Variants in CNTNAP5 observed in about 807,000 individuals in gnomAD.
CNTNAP5 encodes the protein contactin associated protein family member 5.
In CNTNAP5, 72 loss-of-function variants were observed where a neutral mutation model predicts 150.2. That is an observed-to-expected ratio of 0.48 (90% confidence interval 0.40 to 0.58). The LOEUF is 0.58. Among genes scored for constraint, CNTNAP5 ranks in the 20% least tolerant of loss-of-function variants. The pLI is 0.00. For missense variants in CNTNAP5, 1,636 were observed against 1,626.2 expected, an observed-to-expected ratio of 1.01 and a Z score of -0.10; for synonymous variants, 672 against 619.8, an observed-to-expected ratio of 1.08 and a Z score of -1.25.
chr2:124,057,375 C>G (rs1198586288), intron 1 of CNTNAP5, among the ~76,000 whole-genome samples: 1 of 150,246 alleles, frequency 6.7e-6, no homozygotes, highest in African/African-American at 2.5e-5. Context: ...TCTGCCTCCC[C>G]GGTTCACACC....
At chr2:124,674,929 G>A (rs1471168393) in intron 13 of CNTNAP5, among the ~76,000 whole-genome samples, 4 of 151,766 alleles carry the variant, frequency 2.6e-5, no homozygotes, top group African/African-American at 9.7e-5. Context: ...TTTTTATTGT[G>A]TACTTACAAG....
At position 124,916,792 on chromosome 2, in the gene CNTNAP5, T is replaced by C. The variant is rs2104774452; in HGVS notation, c.*2504T>C. ...GCACACTACATACCACAGACCTAAA[T>C]GTAGATGCCAGGACAGTGCCGTCTA... On this transcript the variant is annotated 3_prime_UTR_variant, in exon 24 of 24. Transcript: ENST00000682447. Among the ~76,000 whole-genome samples, 1 of 152,050 alleles carries C rather than the reference T, an allele frequency of 6.6e-6. No homozygotes were observed. Among genetic ancestry groups the C allele is most frequent in the South Asian group, 2.1e-4 (1 of 4,820 alleles).
At chr2:124,610,911 C>T (rs941383093) in intron 12 of CNTNAP5, among the ~76,000 whole-genome samples, 8 of 148,560 alleles carry the variant, frequency 5.4e-5, no homozygotes, top group South Asian at 2.1e-4. Flanking sequence ...CAGCCGAGAT[C>T]GTGCCACTGC....
chr2:124,316,281 T>A (rs1449566990), intron 3 of CNTNAP5, among the ~76,000 whole-genome samples: 1 of 152,136 alleles, frequency 6.6e-6, no homozygotes, highest in East Asian at 1.9e-4. Flanking sequence ...AAAAGAGAAC[T>A]AGCCTGGGGT....
chr2:124,237,180 G>T (rs1686772536), intron 2 of CNTNAP5, among the ~76,000 whole-genome samples: 1 of 152,150 alleles, frequency 6.6e-6, no homozygotes, highest in African/African-American at 2.4e-5. Context: ...ATGCTATGCT[G>T]CTATGTGTGT....
intron 2 of CNTNAP5, among the ~76,000 whole-genome samples, chr2:124,233,752 C>A (rs138095456): frequency 6.7e-6 from 1 of 149,954 alleles, no homozygotes; most frequent in African/African-American, 2.5e-5. Context: ...CATATTTAAT[C>A]ATTTTGTGTC....
chr2:124,615,305 A>G (rs750557866), intron 12 of CNTNAP5, among the ~76,000 whole-genome samples: 4 of 152,260 alleles, frequency 2.6e-5, no homozygotes, highest in South Asian at 2.1e-4. Flanking sequence ...ATTGAAGTCA[A>G]TCATTCCAAA....
Position 124,503,297 on chromosome 2 carries a change from G to A in CNTNAP5, c.1063-995G>A, listed in dbSNP as rs368267099. The stretch of plus-strand genomic sequence containing the variant: ...ATAAACAAACATGGTTGGCACCTAC[G>A]GATGTTCTTCCAGGTAGAGGCTTTT... On this transcript the variant is annotated intron_variant, in intron 7 of 23. Transcript: ENST00000682447. Among the ~76,000 whole-genome samples, 21 of 152,272 alleles carry A rather than the reference G, an allele frequency of 1.4e-4. No homozygotes were observed. The South Asian group carries it at 3.5e-3, about 26-fold the overall frequency.
chr2:124,195,374 G>A lies in CNTNAP5; in HGVS notation c.83-26331G>A, dbSNP rs553621053. 7.2e-5 allele frequency among the ~76,000 whole-genome samples: 11 copies of A among 152,252 alleles called. No individual in the cohort carries two copies. In the South Asian group the frequency reaches 8.3e-4, roughly 11 times the overall value. ...TGAGAAATGCAGTGAACCCCCTTGC[G>A]CAGGGGGCTGCCAACTTCATCTATA... On this transcript the variant is annotated intron_variant, in intron 1 of 23. Transcript: ENST00000682447.
intron 9 of CNTNAP5, 51 bp downstream of exon 9, chr2:124,524,503 A>C: frequency 6.6e-7 from 1 of 1,524,672 alleles, no homozygotes; most frequent in Non-Finnish European, 8.9e-7. Flanking sequence ...GGGAAATTTA[A>C]GTGGGCAATT....
intron 13 of CNTNAP5, among the ~76,000 whole-genome samples, chr2:124,654,716 T>C (rs1168344184): frequency 1.3e-5 from 2 of 152,052 alleles, no homozygotes; most frequent in African/African-American, 2.4e-5. Context: ...TTCTTTCCTT[T>C]CTTAATTCCC....
At chr2:124,179,244 C>T (rs1685144556) in intron 1 of CNTNAP5, among the ~76,000 whole-genome samples, 2 of 152,106 alleles carry the variant, frequency 1.3e-5, no homozygotes, top group Admixed American at 1.3e-4. Flanking sequence ...CCTGCAACTT[C>T]TGCCTCCCAG....
At chr2:124,343,209 A>G (rs1339670193) in intron 3 of CNTNAP5, among the ~76,000 whole-genome samples, 1 of 152,214 alleles carries the variant, frequency 6.6e-6, no homozygotes, top group African/African-American at 2.4e-5. Context: ...TACAATAATT[A>G]AATGTAATAA....
chr2:124,741,798 C>A (rs1200903175), intron 13 of CNTNAP5, among the ~76,000 whole-genome samples: 1 of 152,056 alleles, frequency 6.6e-6, no homozygotes. Flanking sequence ...TATTGTTTCC[C>A]GCTTTTACTT....
At chr2:124,148,560 T>C (rs1684318390) in intron 1 of CNTNAP5, among the ~76,000 whole-genome samples, 1 of 147,356 alleles carries the variant, frequency 6.8e-6, no homozygotes, top group Non-Finnish European at 1.5e-5. Context: ...ATAATATGTA[T>C]ATATATAATA....
In CNTNAP5 at chr2:124,914,324, T is replaced by A. The variant is rs985275645; in HGVS notation, c.*36T>A. ...GGTTCCTACTACTCTTTTTTCTTGTTGTTCAATTATCTCCTCCCCCTCTTC... is the reference window on the plus strand; with the variant it reads ...GGTTCCTACTACTCTTTTTTCTTGTAGTTCAATTATCTCCTCCCCCTCTTC... On this transcript the variant is annotated 3_prime_UTR_variant, in exon 24 of 24. Transcript: ENST00000682447. 6.9e-7 allele frequency: 1 copy of A among 1,443,066 alleles called. No homozygotes were observed. Among genetic ancestry groups the A allele is most frequent in the Middle Eastern group, 1.8e-4 (1 of 5,616 alleles). 89.4% of individuals were successfully genotyped at this position (1,443,066 alleles called of 1,614,324 possible). A position where few individuals can be genotyped will look rare whatever the true frequency, so the allele number is the denominator to read the frequency against.
Position 124,722,766 on chromosome 2 carries a change from G to A in CNTNAP5, c.2078-24463G>A, listed in dbSNP as rs79480985. 3.0e-3 allele frequency among the ~76,000 whole-genome samples: 463 copies of A among 152,270 alleles called. 4 individuals are homozygous for A. Among genetic ancestry groups the A allele is most frequent in the African/African-American group, 0.01 (432 of 41,568 alleles). ...GCCTGTGTCCTCCAGGACAGTGGCC[G>A]CAGTGACAGCCCTTGCAATCTTTGA... On this transcript the variant is annotated intron_variant, in intron 13 of 23. Transcript: ENST00000682447.
At chr2:124,405,562 G>A (rs1308190931) in intron 3 of CNTNAP5, among the ~76,000 whole-genome samples, 1 of 152,092 alleles carries the variant, frequency 6.6e-6, no homozygotes, top group Non-Finnish European at 1.5e-5. Flanking sequence ...TACGACCTCG[G>A]ATCACTTAAC....
intron 13 of CNTNAP5, among the ~76,000 whole-genome samples, chr2:124,729,334 G>T (rs1205197573): frequency 6.6e-6 from 1 of 151,922 alleles, no homozygotes; most frequent in Non-Finnish European, 1.5e-5. Flanking sequence ...TTGCAAAAAA[G>T]TAGTTATTGT....
Sources: gnomAD v4.1 joint callset for allele counts (sites outside exome capture counted in the v4.1 genomes callset) on GRCh38, gnomAD v4.1.1 for gene constraint, MANE v1.5 for transcripts, NCBI Gene and HGNC (gene_info 2026-07-23, HGNC 2026-07-21) for gene names.